SNX8: variants seen among roughly 807,000 people sequenced by gnomAD.
SNX8 encodes sorting nexin 8, also known as sorting nexin-8.
Under a neutral mutation model 51.6 loss-of-function variants are expected in SNX8, and 25 were observed. The ratio of observed to expected loss-of-function variants is 0.48; its 90% CI spans 0.35 to 0.68. The LOEUF (loss-of-function observed/expected upper bound fraction) is 0.68, where lower values mean the gene tolerates loss of function less well. SNX8 is among the 30% of genes least tolerant of loss of function. The pLI, the probability that SNX8 is intolerant of heterozygous loss-of-function variation, is 0.00. For missense variants in SNX8, 695 were observed against 624.0 expected (o/e 1.11, Z -1.21); for synonymous variants, 324 against 277.0 (o/e 1.17, Z -1.68).
At chr7:2,270,872 T>A (rs1401938796) in intron 4 of SNX8, among the ~76,000 whole-genome samples, 11 of 151,738 alleles carry the variant, frequency 7.2e-5, no homozygotes, top group African/African-American at 2.4e-4. Flanking sequence ...CAAGACGGGG[T>A]TTCCCTGAAA....
upstream of SNX8, among the ~76,000 whole-genome samples, chr7:2,315,523 T>A (rs1409095744): frequency 1.3e-5 from 2 of 151,012 alleles, no homozygotes; most frequent in Admixed American, 6.6e-5. Flanking sequence ...ATTCACCCAC[T>A]CACTCACTGC....
intron 1 of SNX8, among the ~76,000 whole-genome samples, chr7:2,339,791 T>A (rs572806729): frequency 6.6e-6 from 1 of 152,154 alleles, no homozygotes; most frequent in South Asian, 2.1e-4. Context: ...CAGAATTAGA[T>A]ATATAAGAAC....
chr7:2,307,545 TC>T (rs1796571901), intron 1 of SNX8, among the ~76,000 whole-genome samples: 2 of 146,652 alleles, frequency 1.4e-5, no homozygotes, highest in Non-Finnish European at 3.0e-5. Flanking sequence ...GGCAGAAGAC[TC>T]GCTTGAACCC....
chr7:2,269,289 C>A (rs1027023280), intron 5 of SNX8, among the ~76,000 whole-genome samples: 9 of 151,248 alleles, frequency 6.0e-5, no homozygotes, highest in African/African-American at 2.2e-4. Context: ...GCAGGATGTG[C>A]TTTGTTAAAC....
chr7:2,334,948 C>A (rs1778799501), intron 1 of SNX8, among the ~76,000 whole-genome samples: 1 of 144,708 alleles, frequency 6.9e-6, no homozygotes, highest in Non-Finnish European at 1.5e-5. Context: ...GCCAGAGGTA[C>A]AATTTGGGAG....
At chr7:2,331,439 G>A (rs1341458013) in intron 1 of SNX8, among the ~76,000 whole-genome samples, 1 of 151,958 alleles carries the variant, frequency 6.6e-6, no homozygotes, top group Admixed American at 6.6e-5. Flanking sequence ...AGGCGCGGTG[G>A]CTCATGCCTG....
chr7:2,275,224 G>A lies in SNX8; in HGVS notation c.306C>T (p.Phe102=), dbSNP rs760334637. ...TGTACCGTCTGTATACCGAGGACTT[G>A]AAGCGCTGCAAGAGAAGGGTCGGTG... ...HVEYEVSSQR[F]KSSVYRRYND... Residue 102 remains phenylalanine (F), a synonymous_variant, in exon 3 of 11, where the codon TTC becomes TTT. Coordinates refer to ENST00000222990, the MANE Select transcript of SNX8 (RefSeq NM_013321.4). 7.5e-6 allele frequency: 12 copies of A among 1,610,474 alleles called. No individual in the cohort carries two copies. The highest frequency in any genetic ancestry group is 1.1e-5 in the South Asian group (1 of 91,012).
At chr7:2,303,430 G>A (rs1333133849) in intron 1 of SNX8, among the ~76,000 whole-genome samples, 5 of 152,236 alleles carry the variant, frequency 3.3e-5, no homozygotes, top group East Asian at 3.9e-4. Context: ...CCCTCTGCCC[G>A]GCCACCACCC....
Position 2,269,536 on chromosome 7 carries a change from AAAG to A in SNX8, c.621+20_621+22del. ...AAAAAAATAAATTAAAAAAAAAAAA[AAAG>A]AAAAAAAAAAGAAAAATACCTTGGC... On this transcript the variant is annotated intron_variant, in intron 5 of 10. Coordinates refer to ENST00000222990, the MANE Select transcript of SNX8 (RefSeq NM_013321.4). 2.1e-6 allele frequency: 3 copies of A among 1,417,066 alleles called. No individual in the cohort carries two copies. The highest frequency in any genetic ancestry group is 1.5e-5 in the African/African-American group (1 of 68,164). The allele number at this position is 1,417,066 out of a possible 1,614,324, so 87.8% of individuals were successfully genotyped here. A position where few individuals can be genotyped will look rare whatever the true frequency, so the allele number is the denominator to read the frequency against.
chr7:2,291,977 G>A (rs1369884131), intron 1 of SNX8, among the ~76,000 whole-genome samples: 1 of 152,188 alleles, frequency 6.6e-6, no homozygotes, highest in Non-Finnish European at 1.5e-5. Context: ...AAAAGCATGA[G>A]GCATGGCTGG....
At chr7:2,353,797 G>T (rs1257552291) in intron 1 of SNX8, among the ~76,000 whole-genome samples, 1 of 151,942 alleles carries the variant, frequency 6.6e-6, no homozygotes, top group Non-Finnish European at 1.5e-5. Context: ...GGCGTGCGGG[G>T]GGTGGTGGTG....
chr7:2,268,593 G>T, intron 5 of SNX8, among the ~76,000 whole-genome samples: 1 of 143,804 alleles, frequency 7.0e-6, no homozygotes, highest in Non-Finnish European at 1.5e-5. Flanking sequence ...GTCCGGGAGG[G>T]AGGTGGGGGG....
intron 1 of SNX8, among the ~76,000 whole-genome samples, chr7:2,330,421 G>A (rs2115234803): frequency 6.6e-6 from 1 of 152,212 alleles, no homozygotes; most frequent in Middle Eastern, 3.4e-3. Flanking sequence ...ACAGGTGTGA[G>A]CCACCGTGCC....
intron 1 of SNX8, among the ~76,000 whole-genome samples, chr7:2,353,018 G>A (rs936369409): frequency 6.6e-6 from 1 of 152,160 alleles, no homozygotes; most frequent in Non-Finnish European, 1.5e-5. Context: ...GATGGGATGG[G>A]TGTGGTGGCT....
chr7:2,332,446 T>C (rs1778753110), intron 1 of SNX8, among the ~76,000 whole-genome samples: 1 of 152,018 alleles, frequency 6.6e-6, no homozygotes. Flanking sequence ...GCAAATCATC[T>C]TGCATAACCA....
chr7:2,310,801 C>T (rs972432950), intron 1 of SNX8, among the ~76,000 whole-genome samples: 1 of 151,940 alleles, frequency 6.6e-6, no homozygotes, highest in Non-Finnish European at 1.5e-5. Flanking sequence ...ATAAAAGGAA[C>T]AAAAGAAAGC....
intron 3 of SNX8, among the ~76,000 whole-genome samples, chr7:2,273,941 A>G (rs1795712032): frequency 6.6e-6 from 1 of 151,942 alleles, no homozygotes. Flanking sequence ...AAGAAAACAA[A>G]CAATACAGGT....
intron 1 of SNX8, among the ~76,000 whole-genome samples, chr7:2,280,076 A>G (rs1456737546): frequency 6.6e-6 from 1 of 152,188 alleles, no homozygotes; most frequent in Admixed American, 6.5e-5. Flanking sequence ...GAGGAAAGAA[A>G]GAGAAAAAAC....
rs1795214041 is a variant in SNX8 at position 2,257,379 on chromosome 7, A to G, written c.1120T>C (p.Ser374Pro). The G allele has an allele frequency of 6.2e-7, 1 of 1,608,032 alleles. No homozygotes were observed. Among genetic ancestry groups the G allele is most frequent in the Non-Finnish European group, 8.5e-7 (1 of 1,179,460 alleles). Residue 374 changes from serine (S) to proline (P), a missense_variant, in exon 9 of 11, where the codon TCC becomes CCC. Coordinates refer to ENST00000222990, the MANE Select transcript of SNX8 (RefSeq NM_013321.4). ...CCGCCACCCACCTCCACAATGCGGG[A>G]CTCCAGCTGCTCCACGGACTCCGGC... ...REPESVEQLE[S>P]RIVEQENAIQ... is the part of the protein sequence containing the mutation.
Sources: allele counts gnomAD v4.1 joint callset (sites outside exome capture counted in the v4.1 genomes callset), GRCh38; gene constraint gnomAD v4.1.1; transcripts MANE v1.5; gene names NCBI Gene and HGNC (gene_info 2026-07-23, HGNC 2026-07-21).